FBXO38: variants seen among roughly 807,000 people sequenced by gnomAD.
FBXO38 encodes F-box only protein 38.
A neutral mutation model predicts 131.9 loss-of-function variants in FBXO38; 53 were observed. The ratio of observed to expected loss-of-function variants is 0.40; its 90% CI spans 0.32 to 0.51. The LOEUF (loss-of-function observed/expected upper bound fraction) is 0.51. FBXO38 is among the 20% of genes least tolerant of loss of function. FBXO38 has a pLI of 0.53. For missense variants in FBXO38, 1,076 were observed against 1,475.6 expected (o/e 0.73, Z 4.44); for synonymous variants, 452 against 505.6 (o/e 0.89, Z 1.42).
At chr5:148,427,974 A>G (rs888530791) in intron 15 of FBXO38, 27 bp downstream of exon 15, 16 of 1,476,398 alleles carry the variant, frequency 1.1e-5, no homozygotes, top group South Asian at 1.5e-5. Flanking sequence ...AGGATTAGCA[A>G]CTGCAGGGTA....
rs148056257 is a variant in FBXO38 at position 148,418,175 on chromosome 5, G to A, written c.1618+971G>A. On this transcript the variant is annotated intron_variant, in intron 12 of 21. Transcript: ENST00000340253. ...TCATTTCGCCACTTTCATCTAATTT[G>A]ACATCTCAGCAGCATTAGACATTGT... is the stretch of plus-strand genomic sequence containing the variant. Among the ~76,000 whole-genome samples, 399 of 152,208 alleles carry A rather than the reference G, an allele frequency of 2.6e-3. 1 individual carries two copies. Among genetic ancestry groups the A allele is most frequent in the Admixed American group, 3.4e-3 (52 of 15,278 alleles).
intron 1 of FBXO38, among the ~76,000 whole-genome samples, chr5:148,385,603 A>G (rs1344139457): frequency 6.6e-6 from 1 of 152,110 alleles, no homozygotes; most frequent in Non-Finnish European, 1.5e-5. Context: ...TTTCAGCACC[A>G]TCATCCTGTT....
At chr5:148,411,828 A>G (rs946548828) in intron 9 of FBXO38, among the ~76,000 whole-genome samples, 3 of 152,186 alleles carry the variant, frequency 2.0e-5, no homozygotes, top group African/African-American at 7.2e-5. Context: ...AATACATTTG[A>G]TATCAAGCTT....
intron 2 of FBXO38, among the ~76,000 whole-genome samples, chr5:148,398,076 G>A (rs1437677707): frequency 2.6e-5 from 4 of 152,106 alleles, no homozygotes; most frequent in East Asian, 1.9e-4. Flanking sequence ...CCAGAGAGGG[G>A]TAGGGAACAC....
chr5:148,440,980 A>C (rs1162721541), intron 20 of FBXO38, 144 bp from the exon 21 acceptor site: 1 of 659,428 alleles, frequency 1.5e-6, no homozygotes, highest in Admixed American at 2.6e-5. Context: ...AGAAATTACA[A>C]ATTAGTTTGA....
chr5:148,440,370 C>A, intron 19 of FBXO38, 54 bp from the exon 20 acceptor site: 1 of 1,082,620 alleles, frequency 9.2e-7, no homozygotes, highest in Non-Finnish European at 1.4e-6. Flanking sequence ...TCCTACCCGA[C>A]ACTAATTATT....
chr5:148,432,928 GA>G (rs1317466103), intron 15 of FBXO38, among the ~76,000 whole-genome samples: 8 of 152,180 alleles, frequency 5.3e-5, no homozygotes, highest in Non-Finnish European at 2.9e-5. Flanking sequence ...AGTAAGGTCA[GA>G]AAACGTGTTC....
chr5:148,392,581 T>TTGTG (rs55667300), intron 1 of FBXO38, among the ~76,000 whole-genome samples: 8,006 of 141,870 alleles, frequency 0.056, 398 homozygotes, highest in African/African-American at 0.13. Context: ...TTGCTTTTCT[T>TTGTG]TGTGTGTGTG....
At chr5:148,415,278 C>T (rs2113581827) in intron 10 of FBXO38, 1 of 152,182 alleles carries the variant, frequency 6.6e-6, no homozygotes, top group African/African-American at 2.4e-5. Flanking sequence ...GGCCTATAAT[C>T]CCATCACTCA....
chr5:148,428,754 A>G (rs938168503), intron 15 of FBXO38, among the ~76,000 whole-genome samples: 2 of 152,218 alleles, frequency 1.3e-5, no homozygotes, highest in African/African-American at 4.8e-5. Context: ...TCAAAATAGA[A>G]CTAATGGATT....
Position 148,409,280 on chromosome 5 carries a change from C to CA in FBXO38, c.962+69dup. The CA allele has an allele frequency of 2.6e-6, 3 of 1,137,056 alleles. No individual in the cohort carries two copies. In the East Asian group the frequency reaches 7.0e-5, roughly 27 times the overall value. 70.4% of individuals were successfully genotyped at this position (1,137,056 alleles called of 1,614,324 possible). On this transcript the variant is annotated intron_variant, in intron 8 of 21. Coordinates refer to ENST00000340253, the MANE Select transcript of FBXO38 (RefSeq NM_205836.3). ...AGTAATTATGTTTTTCCCTATTTTACAAAAAATTGTGGAATGTGTGTGTAT... is the reference window on the plus strand; with the variant it reads ...AGTAATTATGTTTTTCCCTATTTTACAAAAAAATTGTGGAATGTGTGTGTAT...
At chr5:148,405,320 T>A (rs1230234067) in intron 6 of FBXO38, among the ~76,000 whole-genome samples, 1 of 152,190 alleles carries the variant, frequency 6.6e-6, no homozygotes, top group African/African-American at 2.4e-5. Flanking sequence ...TTATGAGATT[T>A]ATGCATAGGC....
intron 18 of FBXO38, 66 bp from the exon 19 acceptor site, chr5:148,439,581 C>A: frequency 6.8e-7 from 1 of 1,474,160 alleles, no homozygotes. Context: ...ATTGTTCAAG[C>A]TCTCGGAGAG....
chr5:148,397,510 G>A (rs540588992), intron 2 of FBXO38: 13 of 152,232 alleles, frequency 8.5e-5, no homozygotes, highest in Admixed American at 8.5e-4. Context: ...AAAATGTGTT[G>A]TCATGTTTCT....
At chr5:148,424,144 A>T in intron 13 of FBXO38, 27 bp downstream of exon 13, 1 of 1,596,268 alleles carries the variant, frequency 6.3e-7, no homozygotes, top group Admixed American at 1.8e-5. Flanking sequence ...TCCCACATTC[A>T]TCATTCTGAA....
chr5:148,423,883 G>T, intron 12 of FBXO38, 115 bp from the exon 13 acceptor site: 1 of 841,294 alleles, frequency 1.2e-6, no homozygotes. Context: ...GTTCTTTCAG[G>T]GCAGGCCTAG....
At chr5:148,386,794 T>G (rs1379454407) in intron 1 of FBXO38, among the ~76,000 whole-genome samples, 1 of 152,218 alleles carries the variant, frequency 6.6e-6, no homozygotes, top group African/African-American at 2.4e-5. Context: ...TCACAAAGTT[T>G]TTGGTTTCCC....
intron 15 of FBXO38, among the ~76,000 whole-genome samples, chr5:148,429,465 G>T (rs1430662454): frequency 3.3e-5 from 5 of 151,800 alleles, no homozygotes; most frequent in African/African-American, 9.7e-5. Context: ...TTGATCTCTG[G>T]TCATTCTATT....
chr5:148,406,363 C>T lies in FBXO38; in HGVS notation c.837C>T (p.Ile279=). The change falls in exon 7 of 22, where the codon ATC becomes ATT. Residue 279 remains isoleucine (I), a synonymous_variant. Transcript: ENST00000340253. ...GAGTTCCTTTCCTTGGAGGTCTTAT[C>T]CAACATGTTGTTGAAGACAGTTGGA... ...MVRVPFLGGL[I]QHVVEDSWRS... 1 of 1,599,956 alleles carries T rather than the reference C, an allele frequency of 6.3e-7. No individual in the cohort carries two copies. The highest frequency in any genetic ancestry group is 8.5e-7 in the Non-Finnish European group (1 of 1,173,802).
Sources: gnomAD v4.1 joint callset for allele counts (sites outside exome capture counted in the v4.1 genomes callset) on GRCh38, gnomAD v4.1.1 for gene constraint, MANE v1.5 for transcripts, NCBI Gene and HGNC (gene_info 2026-07-23, HGNC 2026-07-21) for gene names.